Variants in OR3A2 observed in about 807,000 individuals in gnomAD.
OR3A2 encodes olfactory receptor 3A2.
For missense variants in OR3A2, 318 were observed against 392.8 expected, an observed-to-expected ratio of 0.81 and a Z score of 1.61; for synonymous variants, 126 against 159.3, an observed-to-expected ratio of 0.79 and a Z score of 1.57.
intron 3 of OR3A2, among the ~76,000 whole-genome samples, chr17:3,317,715 T>C (rs745771872): frequency 1.3e-5 from 2 of 152,178 alleles, no homozygotes; most frequent in Non-Finnish European, 2.9e-5. Flanking sequence ...AAGTATAGTG[T>C]AGAACATGTT....
upstream of OR3A2, among the ~76,000 whole-genome samples, chr17:3,289,052 G>C (rs73977615): frequency 0.014 from 2,063 of 152,222 alleles, 53 homozygotes; most frequent in African/African-American, 0.046. Context: ...TATAGACAGA[G>C]AAAAGTCAGA....
intron 3 of OR3A2, among the ~76,000 whole-genome samples, chr17:3,331,685 T>C (rs2049236149): frequency 6.6e-6 from 1 of 151,580 alleles, no homozygotes; most frequent in Non-Finnish European, 1.5e-5. Flanking sequence ...TCAGAGTAAT[T>C]TGATAGTCTG....
intron 2 of OR3A2, among the ~76,000 whole-genome samples, chr17:3,372,597 G>A (rs1384363380): frequency 7.9e-5 from 12 of 152,184 alleles, no homozygotes; most frequent in African/African-American, 2.4e-4. Context: ...CGAGGCTGGC[G>A]GATCACTCGC....
At chr17:3,344,505 C>A (rs774393988) in intron 2 of OR3A2, among the ~76,000 whole-genome samples, 5 of 152,214 alleles carry the variant, frequency 3.3e-5, no homozygotes, top group Admixed American at 6.5e-5. Flanking sequence ...TCTCCGATTC[C>A]CTTCTCTTCT....
Position 3,292,170 on chromosome 17 carries a change from C to T in OR3A2, c.-84-13017G>A, listed in dbSNP as rs143631940. Reference sequence around the variant, plus strand: ...CATCCTCTGGACTGTCTGACTCATGCGGGTGCTGTAGGTGAGGGGCCGGCA... The same window carrying T: ...CATCCTCTGGACTGTCTGACTCATGTGGGTGCTGTAGGTGAGGGGCCGGCA... On this transcript the variant is annotated intron_variant, in intron 3 of 4. Transcript: ENST00000573491. The T allele has an allele frequency of 6.1e-5, 99 of 1,614,070 alleles. No homozygotes were observed. The highest frequency in any genetic ancestry group is 1.6e-4 in the Middle Eastern group (1 of 6,062).
At chr17:3,356,504 C>T (rs1295620546) in intron 2 of OR3A2, among the ~76,000 whole-genome samples, 1 of 151,320 alleles carries the variant, frequency 6.6e-6, no homozygotes, top group African/African-American at 2.4e-5. Flanking sequence ...CAACCATATG[C>T]AAATAAATTC....
At chr17:3,320,778 G>A (rs1426663454) in intron 3 of OR3A2, among the ~76,000 whole-genome samples, 1 of 152,072 alleles carries the variant, frequency 6.6e-6, no homozygotes, top group Non-Finnish European at 1.5e-5. Context: ...TTTGGTTACT[G>A]TAGCCTTGCA....
chr17:3,383,991 ATACAATATTTATTGAATAAATATTGT>A (rs2049759537), intron 1 of OR3A2: 1 of 40,560 alleles, frequency 2.5e-5, no homozygotes, highest in Non-Finnish European at 3.8e-5. Context: ...TAAATATTGT[ATACAATATTTATTGAATAAATATTGT>A]ATACAAATAT....
At chr17:3,318,975 C>T (rs1988143) in intron 3 of OR3A2, among the ~76,000 whole-genome samples, 9,337 of 152,142 alleles carry the variant, frequency 0.061, 332 homozygotes, top group Middle Eastern at 0.1. Flanking sequence ...AAACCCTATT[C>T]TATAGCTTTA....
chr17:3,300,919 C>T (rs1393832834), intron 3 of OR3A2, among the ~76,000 whole-genome samples: 1 of 149,274 alleles, frequency 6.7e-6, no homozygotes, highest in African/African-American at 2.5e-5. Flanking sequence ...TCAATTCCCA[C>T]CTATGAGTGA....
intron 3 of OR3A2, chr17:3,292,725 CT>C: frequency 1.5e-6 from 1 of 654,428 alleles, no homozygotes. Flanking sequence ...TTTTGCGCTC[CT>C]TAGGCCACAC....
chr17:3,282,305 C>T (rs575323116), intron 1 of OR3A2, among the ~76,000 whole-genome samples: 8 of 152,184 alleles, frequency 5.3e-5, no homozygotes, highest in Non-Finnish European at 1.2e-4. Context: ...ACTCCGGAGG[C>T]TGAGGCAGGA....
intron 2 of OR3A2, among the ~76,000 whole-genome samples, chr17:3,360,297 T>A (rs185009936): frequency 1.3e-5 from 2 of 151,600 alleles, no homozygotes; most frequent in Non-Finnish European, 2.9e-5. Flanking sequence ...GTTTGAGTTC[T>A]TTGTGGATTC....
chr17:3,372,847 AGGAGAGGGAGAGGGAGAG>A lies in OR3A2; in HGVS notation c.-179+10939_-179+10956del, dbSNP rs762420106. On this transcript the variant is annotated intron_variant, in intron 2 of 4. Transcript: ENST00000573491. ...GAGAGGGAGAGGGAGGAGAAGGAGAAGGAGAGGGAGAGGGAGAGGGAGAGGGAGAGGGAGAGGGAGAGG... is the reference window on the plus strand; with the variant it reads ...GAGAGGGAGAGGGAGGAGAAGGAGAAGGAGAGGGAGAGGGAGAGGGAGAGG... Among the ~76,000 whole-genome samples the A allele has an allele frequency of 4.3e-3, 281 of 65,114 alleles. 10 individuals are homozygous for A. The highest frequency in any genetic ancestry group is 0.015 in the East Asian group (48 of 3,122). The allele number at this position is 65,114 out of a possible 152,430, so 42.7% of individuals were successfully genotyped here.
chr17:3,371,711 TCC>T (rs1304138521), intron 2 of OR3A2, among the ~76,000 whole-genome samples: 1 of 125,116 alleles, frequency 8.0e-6, no homozygotes, highest in Non-Finnish European at 1.7e-5. Flanking sequence ...CCCCCCCACC[TCC>T]CTCCCGGACG....
At chr17:3,383,443 G>A (rs2049754984) in intron 2 of OR3A2, among the ~76,000 whole-genome samples, 1 of 152,162 alleles carries the variant, frequency 6.6e-6, no homozygotes, top group African/African-American at 2.4e-5. Context: ...GTGTAAGAGA[G>A]GCCTCAATAT....
intron 3 of OR3A2, among the ~76,000 whole-genome samples, chr17:3,297,393 T>A (rs958085700): frequency 1.3e-5 from 2 of 152,232 alleles, no homozygotes; most frequent in African/African-American, 4.8e-5. Flanking sequence ...TTTACACCCT[T>A]TGATTCTGTA....
At chr17:3,302,230 T>C (rs2048971285) in intron 3 of OR3A2, among the ~76,000 whole-genome samples, 1 of 152,108 alleles carries the variant, frequency 6.6e-6, no homozygotes, top group Non-Finnish European at 1.5e-5. Flanking sequence ...CTTCACAGAA[T>C]TGGAAAAAAC....
Position 3,311,100 on chromosome 17 carries a change from A to G in OR3A2, c.-85+24933T>C, listed in dbSNP as rs1377862883. ...TGGGACGGGCGTCTTCAGCTACACA[A>G]GGCTGGGTTCAGTGGAGTCTTCGGA... On this transcript the variant is annotated intron_variant, in intron 3 of 4. Transcript: ENST00000573491. The surrounding 1 kb of genome is among the most constrained non-coding windows in gnomAD (Gnocchi z 4.6). 1 of 542,758 alleles carries G rather than the reference A, an allele frequency of 1.8e-6. No homozygotes were observed. The highest frequency in any genetic ancestry group is 3.8e-6 in the Non-Finnish European group (1 of 265,374). The allele number at this position is 542,758 out of a possible 1,614,324, so 33.6% of individuals were successfully genotyped here.
Sources: allele counts gnomAD v4.1 joint callset (sites outside exome capture counted in the v4.1 genomes callset), GRCh38; gene constraint gnomAD v4.1.1; non-coding constraint Gnocchi (gnomAD v3.1); transcripts MANE v1.5; gene names NCBI Gene and HGNC (gene_info 2026-07-23, HGNC 2026-07-21).